SH3PXD2A: variants seen among roughly 807,000 people sequenced by gnomAD.
The protein encoded by SH3PXD2A is SH3 and PX domains 2A.
In SH3PXD2A, 32 loss-of-function variants were observed where a neutral mutation model predicts 115.2. That is an observed-to-expected ratio of 0.28 (90% CI 0.21 to 0.37). The LOEUF (loss-of-function observed/expected upper bound fraction) is 0.37. Among genes scored for constraint, SH3PXD2A ranks in the 10% least tolerant of loss-of-function variants. The pLI, the probability that SH3PXD2A is intolerant of heterozygous loss-of-function variation, is 1.00. For synonymous variants in SH3PXD2A, 610 were observed against 629.1 expected (o/e 0.97, Z 0.45); for missense variants, 1,328 against 1,498.7 (o/e 0.89, Z 1.88).
chr10:103,596,688 C>CTCTCTCTCTCT lies in SH3PXD2A; in HGVS notation c.*5127_*5128insAGAGAGAGAGA, dbSNP rs71709843. On this transcript the variant is annotated 3_prime_UTR_variant, in exon 15 of 15. Transcript: ENST00000369774. The stretch of plus-strand genomic sequence containing the variant: ...ACTCTCTCTCTCTCTCTCTCTCTCA[C>CTCTCTCTCTCT]AACACATGGCCCTCAAAAAAGTGAG... The CTCTCTCTCTCT allele has an allele frequency of 1.3e-5, 1 of 75,822 alleles. No individual in the cohort carries two copies. 4.7% of individuals were successfully genotyped at this position (75,822 alleles called of 1,614,324 possible). A position where few individuals can be genotyped will look rare whatever the true frequency, so the allele number is the denominator to read the frequency against.
rs1360736158 is a variant in SH3PXD2A, at chr10:103,795,912, AAGGAAGGAAGGAAGGAAGGC to A, written c.153+5350_153+5369del. On this transcript the variant is annotated intron_variant, in intron 2 of 14. Transcript: ENST00000369774. ...AGAGAGGGAGGGAGGAAAAGGAAGG[AAGGAAGGAAGGAAGGAAGGC>A]AGGAAGGAAGGAAGGAAGGAAGGAA... 2.0e-3 allele frequency among the ~76,000 whole-genome samples: 210 copies of A among 105,018 alleles called. 1 individual carries two copies. Among genetic ancestry groups the A allele is most frequent in the South Asian group, 6.6e-3 (17 of 2,574 alleles). 68.9% of individuals were successfully genotyped at this position (105,018 alleles called of 152,430 possible).
Position 103,603,366 on chromosome 10 carries a change from TCTC to T in SH3PXD2A, c.1849_1851del (p.Glu617del), listed in dbSNP as rs745974241. The stretch of plus-strand genomic sequence containing the variant: ...CGGAAGCCCTCATTCTCATAGATGG[TCTC>T]CTCTTCCAGGGCCACATCCTCTGAA... On this transcript the variant is annotated inframe_deletion, in exon 15 of 15. Coordinates refer to ENST00000369774, the MANE Select transcript of SH3PXD2A (RefSeq NM_001394015.1). 2.7e-5 allele frequency: 44 copies of T among 1,614,014 alleles called. No individual in the cohort carries two copies. In the African/African-American group the frequency reaches 4.7e-4, roughly 17 times the overall value.
intron 3 of SH3PXD2A, among the ~76,000 whole-genome samples, chr10:103,744,220 C>A (rs1431307154): frequency 4.0e-5 from 6 of 148,608 alleles, no homozygotes; most frequent in African/African-American, 1.5e-4. Context: ...ATGGCATGAT[C>A]TCGGCTCACC....
chr10:103,846,328 T>C, intron 1 of SH3PXD2A, among the ~76,000 whole-genome samples: 1 of 76,022 alleles, frequency 1.3e-5, no homozygotes, highest in East Asian at 1.5e-3. Context: ...TGGGAATAAC[T>C]CTGTCTTTTC....
chr10:103,613,318 C>T, intron 11 of SH3PXD2A, 128 bp from the exon 12 acceptor site: 1 of 675,824 alleles, frequency 1.5e-6, no homozygotes, highest in Non-Finnish European at 2.4e-6. Context: ...GCTTGGCAAT[C>T]CCACTACTCT....
At position 103,735,901 on chromosome 10, in the gene SH3PXD2A, G is replaced by A; in HGVS notation, c.230-93C>T. On this transcript the variant is annotated intron_variant, in intron 3 of 14. Coordinates refer to ENST00000369774, the MANE Select transcript of SH3PXD2A (RefSeq NM_001394015.1). ...TCTCCCTTGGCTTCTCAGCATCTTA[G>A]TCCAGCACTACCTGCCACCACCCCG... is the stretch of plus-strand genomic sequence containing the variant. The A allele has an allele frequency of 7.4e-6, 7 of 952,034 alleles. No individual in the cohort carries two copies. In the South Asian group the frequency reaches 9.1e-5, roughly 12 times the overall value. 59.0% of individuals were successfully genotyped at this position (952,034 alleles called of 1,614,324 possible). A position where few individuals can be genotyped will look rare whatever the true frequency, so the allele number is the denominator to read the frequency against.
chr10:103,802,889 C>T (rs2039160940), intron 1 of SH3PXD2A, among the ~76,000 whole-genome samples: 2 of 152,040 alleles, frequency 1.3e-5, no homozygotes, highest in South Asian at 4.1e-4. Flanking sequence ...AGGGGTGGGG[C>T]TGGGGGGACT....
Position 103,611,633 on chromosome 10 carries a change from A to G in SH3PXD2A, c.1259-3T>C. 1.2e-6 allele frequency: 2 copies of G among 1,613,628 alleles called. No homozygotes were observed. The highest frequency in any genetic ancestry group is 1.7e-6 in the Non-Finnish European group (2 of 1,179,474). ...TCTTGTCCGTAGGTTCGGGGAGCCT[A>G]GAGGAAGAGACATGGCTTCAGAAAT... On this transcript the variant is annotated splice_region_variant and splice_polypyrimidine_tract_variant and intron_variant, in intron 12 of 14. Coordinates refer to ENST00000369774, the MANE Select transcript of SH3PXD2A (RefSeq NM_001394015.1).
chr10:103,603,061 C>A lies in SH3PXD2A; in HGVS notation c.2157G>T (p.Lys719Asn). ...SSLSKTSGDL[K>N]PRSASDAGIR... The stretch of plus-strand genomic sequence containing the variant: ...TGCCTGCGTCCGAAGCAGAGCGGGG[C>A]TTCAGGTCGCCACTGGTTTTGGACA... The change falls in exon 15 of 15, where the codon AAG (lysine) becomes AAT (asparagine). Residue 719 changes from lysine (K) to asparagine (N), a missense_variant. Physicochemically the swap from Lys to Asn is moderately conservative, Grantham distance 94. This residue lies in a region of SH3PXD2A where 574 missense variants were observed against 565.7 expected (regional missense o/e 1.01). Transcript: ENST00000369774. 6.8e-6 allele frequency: 11 copies of A among 1,613,708 alleles called. No individual in the cohort carries two copies. The highest frequency in any genetic ancestry group is 9.3e-6 in the Non-Finnish European group (11 of 1,180,044).
chr10:103,739,048 C>T (rs1157676698), intron 3 of SH3PXD2A, among the ~76,000 whole-genome samples: 2 of 152,204 alleles, frequency 1.3e-5, no homozygotes, highest in African/African-American at 4.8e-5. Flanking sequence ...CCACCTTGGC[C>T]TCCCAAAGTG....
intron 5 of SH3PXD2A, among the ~76,000 whole-genome samples, chr10:103,717,642 G>C (rs1028039242): frequency 6.6e-6 from 1 of 152,254 alleles, no homozygotes; most frequent in African/African-American, 2.4e-5. Flanking sequence ...TCTACAGACA[G>C]AGTTCCTAGC....
intron 2 of SH3PXD2A, among the ~76,000 whole-genome samples, chr10:103,774,235 G>A (rs1033667953): frequency 2.6e-5 from 4 of 152,180 alleles, no homozygotes; most frequent in African/African-American, 9.7e-5. Flanking sequence ...TTCTGGGACT[G>A]TGCGTGTGTT....
At chr10:103,696,266 C>T (rs1047891922) in intron 5 of SH3PXD2A, among the ~76,000 whole-genome samples, 3 of 152,206 alleles carry the variant, frequency 2.0e-5, no homozygotes, top group African/African-American at 2.4e-5. Flanking sequence ...TCCAGTTGGG[C>T]ATCCTTTAGC....
At chr10:103,788,150 A>G (rs891007169) in intron 2 of SH3PXD2A, among the ~76,000 whole-genome samples, 1 of 152,124 alleles carries the variant, frequency 6.6e-6, no homozygotes, top group Non-Finnish European at 1.5e-5. Context: ...TCTCATAATA[A>G]TAATGCTTCA....
chr10:103,814,419 T>A (rs1451308833), intron 1 of SH3PXD2A, among the ~76,000 whole-genome samples: 3 of 152,190 alleles, frequency 2.0e-5, no homozygotes, highest in Non-Finnish European at 1.5e-5. Flanking sequence ...TGTCAAAATG[T>A]GAAGTTCAAC....
intron 6 of SH3PXD2A, among the ~76,000 whole-genome samples, chr10:103,679,153 A>G (rs1427282243): frequency 6.6e-6 from 1 of 152,190 alleles, no homozygotes; most frequent in African/African-American, 2.4e-5. Flanking sequence ...AGACCCCTAC[A>G]TGGCGTGGCC....
chr10:103,839,031 C>T (rs972821191), intron 1 of SH3PXD2A, among the ~76,000 whole-genome samples: 9 of 152,166 alleles, frequency 5.9e-5, no homozygotes, highest in South Asian at 2.1e-4. Flanking sequence ...CGTCTTGGGG[C>T]GTGCACATCA....
chr10:103,670,927 C>T (rs2037450196), intron 6 of SH3PXD2A, among the ~76,000 whole-genome samples: 1 of 152,256 alleles, frequency 6.6e-6, no homozygotes, highest in Non-Finnish European at 1.5e-5. Context: ...GCTGCTGCAT[C>T]CCAGAGATGT....
rs765760880 is a variant in SH3PXD2A at position 103,661,136 on chromosome 10, C to T, written c.473-22G>A. ...GCACCTGGCGAGGGCAGAAAGCACG[C>T]GGTGAGCCAGCGGCCAGCCATGGCC... On this transcript the variant is annotated intron_variant, in intron 7 of 14. Transcript: ENST00000369774. 3.4e-5 allele frequency: 55 copies of T among 1,608,854 alleles called. No individual in the cohort carries two copies. In the East Asian group the frequency reaches 1.2e-3, roughly 36 times the overall value.
Sources: gnomAD v4.1 joint callset for allele counts (sites outside exome capture counted in the v4.1 genomes callset) on GRCh38, gnomAD v4.1.1 for gene constraint, gnomAD v4.1.1 regional missense constraint, MANE v1.5 for transcripts, NCBI Gene and HGNC (gene_info 2026-07-23, HGNC 2026-07-21) for gene names.